Variants in ZDHHC15 observed in about 807,000 individuals in gnomAD.
ZDHHC15 encodes the protein zDHHC palmitoyltransferase 15.
In ZDHHC15, 19 loss-of-function variants were observed where a neutral mutation model predicts 31.7. That is an observed-to-expected ratio of 0.60 (90% CI 0.42 to 0.88). ZDHHC15 has a LOEUF of 0.88. Ranked by LOEUF, ZDHHC15 falls within the 40% of genes least tolerant of loss-of-function variation. The pLI is 0.00. For missense variants in ZDHHC15, 209 were observed against 251.2 expected, an observed-to-expected ratio of 0.83 and a Z score of 1.14; for synonymous variants, 103 against 90.0, an observed-to-expected ratio of 1.14 and a Z score of -0.82.
intron 9 of ZDHHC15, among the ~76,000 whole-genome samples, chrX:75,421,402 TA>T: frequency 1.2e-4 from 1 of 8,076 alleles, no homozygotes; most frequent in African/African-American, 3.8e-4. Context: ...ATATATATTA[TA>T]TATATATAAT....
At chrX:75,434,330 T>C (rs1327566298) in intron 4 of ZDHHC15, among the ~76,000 whole-genome samples, 2 of 112,053 alleles carry the variant, frequency 1.8e-5, no homozygotes, top group African/African-American at 3.2e-5. Flanking sequence ...AGAAGCTTTC[T>C]AGTTTAATTA....
At chrX:75,510,420 C>G (rs5938086) in intron 1 of ZDHHC15, among the ~76,000 whole-genome samples, 1 of 105,681 alleles carries the variant, frequency 9.5e-6, no homozygotes, top group African/African-American at 3.4e-5. Flanking sequence ...TTCCTATAGG[C>G]TTGAATGGAT....
At chrX:75,433,999 C>T (rs1207225192) in intron 4 of ZDHHC15, among the ~76,000 whole-genome samples, 1 of 110,962 alleles carries the variant, frequency 9.0e-6, no homozygotes, top group African/African-American at 3.3e-5. Flanking sequence ...TCAAAGCCAA[C>T]GTTTATTATG....
chrX:75,409,803 A>C (rs1196589881), intron 10 of ZDHHC15, among the ~76,000 whole-genome samples: 3 of 95,588 alleles, frequency 3.1e-5, no homozygotes, highest in African/African-American at 1.1e-4. Flanking sequence ...TCTAAAAAAA[A>C]AAAAAAAAAA....
At chrX:75,518,804 TATAC>T (rs1360754256) in intron 1 of ZDHHC15, among the ~76,000 whole-genome samples, 131 of 23,743 alleles carry the variant, frequency 5.5e-3, no homozygotes, top group South Asian at 0.013. Flanking sequence ...TATATATATA[TATAC>T]ACACACACAC....
rs1243663527 is a variant in ZDHHC15 at position 75,368,860 on chromosome X, A to G, written c.*4118T>C. 8.9e-6 allele frequency: 1 copy of G among 111,862 alleles called. No individual in the cohort carries two copies. Among genetic ancestry groups the G allele is most frequent in the Non-Finnish European group, 1.9e-5 (1 of 53,161 alleles). The allele number at this position is 111,862 out of a possible 1,213,427, so 9.2% of individuals were successfully genotyped here. A position where few individuals can be genotyped will look rare whatever the true frequency, so the allele number is the denominator to read the frequency against. On this transcript the variant is annotated 3_prime_UTR_variant, in exon 12 of 12. Coordinates refer to ENST00000373367, the MANE Select transcript of ZDHHC15 (RefSeq NM_144969.3). ...AAGAACACATTTAATGGTTTTGAAC[A>G]CTGTGCAGGACACAGACCTAACCCT... is the stretch of plus-strand genomic sequence containing the variant.
chrX:75,404,751 A>T (rs1407013088), intron 10 of ZDHHC15, among the ~76,000 whole-genome samples: 1 of 112,224 alleles, frequency 8.9e-6, no homozygotes, highest in Admixed American at 9.4e-5. Flanking sequence ...GGTTACAGAG[A>T]AAAGGGAACC....
At chrX:75,385,726 C>A (rs1479619314) in intron 10 of ZDHHC15, among the ~76,000 whole-genome samples, 1 of 111,349 alleles carries the variant, frequency 9.0e-6, no homozygotes, top group Admixed American at 9.6e-5. Flanking sequence ...TTGGCCTCTG[C>A]ATTCCTTGCC....
intron 1 of ZDHHC15, among the ~76,000 whole-genome samples, chrX:75,518,042 A>G (rs2085388078): frequency 9.0e-6 from 1 of 111,502 alleles, no homozygotes; most frequent in Non-Finnish European, 1.9e-5. Flanking sequence ...AACCAAACAA[A>G]AAAATCCCAC....
chrX:75,394,165 T>A (rs891629324), intron 10 of ZDHHC15, among the ~76,000 whole-genome samples: 1 of 111,271 alleles, frequency 9.0e-6, no homozygotes, highest in Admixed American at 9.6e-5. Flanking sequence ...CTAACCATCA[T>A]ATGGTTACTG....
At chrX:75,393,906 C>T (rs1162834487) in intron 10 of ZDHHC15, among the ~76,000 whole-genome samples, 1 of 111,689 alleles carries the variant, frequency 9.0e-6, no homozygotes, top group East Asian at 2.8e-4. Context: ...CATGAAGCAT[C>T]CAGCATGGGA....
chrX:75,473,859 T>C (rs768551250), intron 3 of ZDHHC15, among the ~76,000 whole-genome samples: 1 of 112,331 alleles, frequency 8.9e-6, no homozygotes, highest in Non-Finnish European at 1.9e-5. Flanking sequence ...TAAGATTTAT[T>C]GACTTCATAT....
chrX:75,520,005 C>T (rs757789442), intron 1 of ZDHHC15, among the ~76,000 whole-genome samples: 14 of 112,096 alleles, frequency 1.2e-4, no homozygotes, highest in Non-Finnish European at 2.3e-4. Flanking sequence ...TTTACCTCTG[C>T]ATTAGTTTAG....
chrX:75,482,404 C>A (rs973330567), intron 2 of ZDHHC15, among the ~76,000 whole-genome samples: 5 of 112,024 alleles, frequency 4.5e-5, no homozygotes, highest in African/African-American at 9.7e-5. Context: ...ATACTGGGAT[C>A]AAATTCTGGT....
chrX:75,391,910 G>T (rs2083247427), intron 10 of ZDHHC15, among the ~76,000 whole-genome samples: 1 of 111,617 alleles, frequency 9.0e-6, no homozygotes, highest in Admixed American at 9.5e-5. Flanking sequence ...ACTTTTGAAG[G>T]CATAGGCAGT....
At chrX:75,408,110 T>C (rs5938058) in intron 10 of ZDHHC15, among the ~76,000 whole-genome samples, 8,516 of 103,440 alleles carry the variant, frequency 0.082, 516 homozygotes, top group African/African-American at 0.22. Flanking sequence ...AAAACCAGAG[T>C]CCCTTGTTCA....
intron 3 of ZDHHC15, among the ~76,000 whole-genome samples, chrX:75,458,051 T>G (rs2084252691): frequency 8.9e-6 from 1 of 111,758 alleles, no homozygotes; most frequent in Non-Finnish European, 1.9e-5. Flanking sequence ...GGAGCTTTAT[T>G]CATAACACAC....
chrX:75,443,715 C>T (rs1313273790), intron 4 of ZDHHC15, among the ~76,000 whole-genome samples: 4 of 111,657 alleles, frequency 3.6e-5, no homozygotes, highest in Non-Finnish European at 7.5e-5. Flanking sequence ...TGCAATCTAC[C>T]CATCTGACAA....
intron 2 of ZDHHC15, among the ~76,000 whole-genome samples, chrX:75,485,257 A>AC (rs979548589): frequency 9.0e-6 from 1 of 111,613 alleles, no homozygotes; most frequent in South Asian, 3.7e-4. Context: ...ATAGATATTT[A>AC]CCTTTGGTGT....
Sources: gnomAD v4.1 joint callset for allele counts (sites outside exome capture counted in the v4.1 genomes callset) on GRCh38, gnomAD v4.1.1 for gene constraint, MANE v1.5 for transcripts, NCBI Gene and HGNC (gene_info 2026-07-23, HGNC 2026-07-21) for gene names.